DNAH8: variants seen among roughly 807,000 people sequenced by gnomAD.
DNAH8 encodes dynein axonemal heavy chain 8, also known as axonemal beta dynein heavy chain 8.
A neutral mutation model predicts 562.1 loss-of-function variants in DNAH8; 382 were observed. That is an observed-to-expected ratio of 0.68 (90% CI 0.63 to 0.74). The LOEUF is 0.74. Among genes scored for constraint, DNAH8 ranks in the 30% least tolerant of loss-of-function variants. DNAH8 has a pLI of 0.00. For missense variants in DNAH8, 5,203 were observed against 5,620.4 expected, an observed-to-expected ratio of 0.93 and a Z score of 2.37; for synonymous variants, 1,881 against 1,919.4, an observed-to-expected ratio of 0.98 and a Z score of 0.52.
chr6:38,853,424 C>T, intron 41 of DNAH8, 77 bp downstream of exon 41: 1 of 1,493,596 alleles, frequency 6.7e-7, no homozygotes, highest in Non-Finnish European at 9.2e-7. Context: ...GGTGGTTGAC[C>T]TGATGGTGTG....
intron 25 of DNAH8, among the ~76,000 whole-genome samples, chr6:38,815,224 A>G (rs1230194202): frequency 6.6e-6 from 1 of 152,226 alleles, no homozygotes; most frequent in African/African-American, 2.4e-5. Flanking sequence ...TCTATCTGTT[A>G]TTAAAAAGTT....
chr6:38,907,536 C>T (rs887191462), intron 63 of DNAH8, among the ~76,000 whole-genome samples: 3 of 152,196 alleles, frequency 2.0e-5, no homozygotes, highest in Admixed American at 1.3e-4. Flanking sequence ...GCTCTGCAAG[C>T]ATACCCTTTT....
At chr6:38,742,345 T>A (rs1764586192) in intron 8 of DNAH8, among the ~76,000 whole-genome samples, 1 of 152,166 alleles carries the variant, frequency 6.6e-6, no homozygotes, top group African/African-American at 2.4e-5. Flanking sequence ...GTCACTCGGG[T>A]GGGGTGCAAT....
intron 10 of DNAH8, 42 bp from the exon 11 acceptor site, chr6:38,761,660 C>A: frequency 5.3e-6 from 6 of 1,122,360 alleles, no homozygotes; most frequent in Non-Finnish European, 7.5e-6. Flanking sequence ...AATGTTATTT[C>A]TCTTTTTACA....
intron 7 of DNAH8, 144 bp from the exon 8 acceptor site, chr6:38,741,566 TC>T (rs1764523719): frequency 1.6e-6 from 1 of 616,800 alleles, no homozygotes; most frequent in Non-Finnish European, 2.7e-6. Flanking sequence ...GACATTCTCC[TC>T]TAGTCTTCAT....
At chr6:39,011,883 T>C (rs1480065065) in intron 89 of DNAH8, among the ~76,000 whole-genome samples, 1 of 152,208 alleles carries the variant, frequency 6.6e-6, no homozygotes, top group East Asian at 1.9e-4. Context: ...AAGGTTAGAT[T>C]GCAAAAAGAA....
chr6:38,829,892 AAAC>A (rs1394582443), intron 30 of DNAH8, among the ~76,000 whole-genome samples: 1 of 152,194 alleles, frequency 6.6e-6, no homozygotes, highest in Non-Finnish European at 1.5e-5. Context: ...TACTCTATTT[AAAC>A]AACAACTCTC....
chr6:38,935,511 T>C, intron 76 of DNAH8, 81 bp from the exon 77 acceptor site: 1 of 932,148 alleles, frequency 1.1e-6, no homozygotes, highest in East Asian at 2.6e-5. Context: ...TTTAAAATTG[T>C]TAATAAACAC....
intron 88 of DNAH8, among the ~76,000 whole-genome samples, chr6:39,008,487 C>G (rs60831909): frequency 0.11 from 16,591 of 152,100 alleles, 1,091 homozygotes; most frequent in Admixed American, 0.2. Context: ...AGGAGGTGTG[C>G]CCGCTGTTCA....
chr6:38,939,023 G>A (rs958418338), intron 79 of DNAH8, 35 bp downstream of exon 79: 2 of 1,553,896 alleles, frequency 1.3e-6, no homozygotes, highest in Admixed American at 1.8e-5. Context: ...GGTGTGTGGA[G>A]GATGTTGCTT....
chr6:38,793,030 C>T (rs1235933985), intron 21 of DNAH8, among the ~76,000 whole-genome samples: 1 of 152,230 alleles, frequency 6.6e-6, no homozygotes, highest in East Asian at 1.9e-4. Context: ...GATCCACCCA[C>T]TTTGGCCTCC....
chr6:38,955,210 G>C (rs1038452220), intron 82 of DNAH8, among the ~76,000 whole-genome samples: 5 of 152,218 alleles, frequency 3.3e-5, no homozygotes, highest in African/African-American at 1.2e-4. Flanking sequence ...CTGAGCTCAA[G>C]TGATCCTCCC....
At chr6:39,013,661 G>C (rs542852040) in intron 91 of DNAH8, among the ~76,000 whole-genome samples, 2 of 152,204 alleles carry the variant, frequency 1.3e-5, no homozygotes, top group South Asian at 4.2e-4. Flanking sequence ...AGACCAGTGG[G>C]GCAACATGGT....
chr6:38,981,795 C>T lies in DNAH8; in HGVS notation c.12835-551C>T, dbSNP rs116373254. On this transcript the variant is annotated intron_variant, in intron 85 of 92. Transcript: ENST00000327475. ...AGACTTTTTTTAAAACCCAAGAACT[C>T]CAACTTGGCAAATCTTTGGAGATTT... 4.2e-3 allele frequency among the ~76,000 whole-genome samples: 642 copies of T among 152,296 alleles called. 5 individuals carry two copies. Among genetic ancestry groups the T allele is most frequent in the African/African-American group, 0.014 (593 of 41,558 alleles).
intron 80 of DNAH8, among the ~76,000 whole-genome samples, chr6:38,946,768 C>A (rs187394512): frequency 1.3e-5 from 2 of 151,996 alleles, no homozygotes; most frequent in Non-Finnish European, 2.9e-5. Context: ...CGAAATTGCA[C>A]CGTTGCACTC....
rs1761339029 is a variant in DNAH8 at position 38,945,535 on chromosome 6, C to T, written c.12076C>T (p.Leu4026=). Reference sequence around the variant, plus strand: ...TCGCTGGATCCTTGACATGACTTGGCTGAATCTTGTGGAGCTGAGTAAACT... The same window carrying T: ...TCGCTGGATCCTTGACATGACTTGGTTGAATCTTGTGGAGCTGAGTAAACT... The part of the protein sequence containing the change: ...PYRWILDMTW[L]NLVELSKLPQ... The change falls in exon 80 of 93, where the codon CTG becomes TTG. Residue 4026 remains leucine (L), a synonymous_variant. Coordinates refer to ENST00000327475, the MANE Select transcript of DNAH8 (RefSeq NM_001206927.2). 1.2e-6 allele frequency: 2 copies of T among 1,614,040 alleles called. No homozygotes were observed. The highest frequency in any genetic ancestry group is 2.7e-5 in the African/African-American group (2 of 74,926).
chr6:38,727,276 G>A (rs951422655), intron 3 of DNAH8, among the ~76,000 whole-genome samples: 3 of 152,186 alleles, frequency 2.0e-5, no homozygotes, highest in African/African-American at 4.8e-5. Flanking sequence ...TTTGCCTCTG[G>A]ATCCATTCTC....
rs777839170 is a variant in DNAH8 at position 38,741,736 on chromosome 6, G to C, written c.1142G>C (p.Arg381Thr). The C allele has an allele frequency of 3.7e-6, 6 of 1,613,354 alleles. No homozygotes were observed. In the African/African-American group the frequency reaches 6.7e-5, roughly 18 times the overall value. ...EQVLIESEQM[R>T]KEAGDSGPLT... ...GTACTTATTGAGAGTGAGCAGATGAGAAAAGAAGCTGGTGATTCAGGTCCA... is the reference window on the plus strand; with the variant it reads ...GTACTTATTGAGAGTGAGCAGATGACAAAAGAAGCTGGTGATTCAGGTCCA... Residue 381 changes from arginine to threonine, a missense_variant, in exon 8 of 93, where the codon AGA becomes ACA. This residue lies in a region of DNAH8 where 556 missense variants were observed against 496.9 expected (regional missense o/e 1.12). Coordinates refer to ENST00000327475, the MANE Select transcript of DNAH8 (RefSeq NM_001206927.2).
At chr6:38,768,365 T>G (rs911210617) in intron 11 of DNAH8, among the ~76,000 whole-genome samples, 2 of 152,134 alleles carry the variant, frequency 1.3e-5, no homozygotes, top group Non-Finnish European at 2.9e-5. Context: ...CCTCCTGGGC[T>G]CAAGGGCTCC....
Sources: allele counts gnomAD v4.1 joint callset (sites outside exome capture counted in the v4.1 genomes callset), GRCh38; gene constraint gnomAD v4.1.1; regional missense constraint gnomAD v4.1.1; transcripts MANE v1.5; gene names NCBI Gene and HGNC (gene_info 2026-07-23, HGNC 2026-07-21).